The following MIS18A variants were observed in gnomAD, a reference collection of about 807,000 sequenced individuals.
MIS18A encodes MIS18 kinetochore protein A.
A neutral mutation model predicts 25.0 loss-of-function variants in MIS18A; 14 were observed. That is an observed-to-expected ratio of 0.56 (90% CI 0.37 to 0.88). The LOEUF is 0.88. Ranked by LOEUF, MIS18A falls within the 40% of genes least tolerant of loss-of-function variation. The probability of loss-of-function intolerance (pLI) is 0.00; values close to 1 mark genes in which losing one functional copy is unlikely to be tolerated. For missense variants in MIS18A, 292 were observed against 290.8 expected (o/e 1.00, Z -0.03); for synonymous variants, 134 against 118.6 (o/e 1.13, Z -0.84).
the MIS18A span, among the ~76,000 whole-genome samples, chr21:32,198,040 T>C: frequency 1.3e-5 from 2 of 152,344 alleles, no homozygotes; most frequent in South Asian, 4.1e-4. Flanking sequence ...AAACTAAATA[T>C]AAAAACGGAG....
At chr21:32,174,318 G>C in the MIS18A span, among the ~76,000 whole-genome samples, 1 of 152,076 alleles carries the variant, frequency 6.6e-6, no homozygotes, top group African/African-American at 2.4e-5. Context: ...CTGCTTATAA[G>C]ATGCTCTGTA....
At chr21:32,226,950 A>G in the MIS18A span, among the ~76,000 whole-genome samples, 1 of 152,192 alleles carries the variant, frequency 6.6e-6, no homozygotes, top group Admixed American at 6.5e-5. Context: ...GACAATTCAC[A>G]AATAGGAAAA....
chr21:32,249,762 CTAA>C, the MIS18A span, among the ~76,000 whole-genome samples: 2 of 152,118 alleles, frequency 1.3e-5, no homozygotes, highest in South Asian at 4.1e-4. Flanking sequence ...CTCCAGTGAA[CTAA>C]TAGAGCTGAA....
rs1296534324 is a variant in MIS18A, at chr21:32,268,349, T to C, written c.*688A>G. 1.3e-5 allele frequency: 2 copies of C among 152,210 alleles called. No individual in the cohort carries two copies. Among genetic ancestry groups the C allele is most frequent in the East Asian group, 3.9e-4 (2 of 5,190 alleles). The allele number at this position is 152,210 out of a possible 1,614,324, so 9.4% of individuals were successfully genotyped here. ...CCACCCTCAGAGATGGTTACTCCTCTTTGGTAAGTATTCCTCCAGGTTTTT... is the reference window on the plus strand; with the variant it reads ...CCACCCTCAGAGATGGTTACTCCTCCTTGGTAAGTATTCCTCCAGGTTTTT... On this transcript the variant is annotated 3_prime_UTR_variant, in exon 5 of 5. Coordinates refer to ENST00000290130, the MANE Select transcript of MIS18A (RefSeq NM_018944.3).
At chr21:32,169,688 G>T in the MIS18A span, among the ~76,000 whole-genome samples, 1 of 152,036 alleles carries the variant, frequency 6.6e-6, no homozygotes, top group Admixed American at 6.6e-5. Context: ...CACACACACA[G>T]AGCCCCTCAA....
the MIS18A span, among the ~76,000 whole-genome samples, chr21:32,174,217 C>T: frequency 6.6e-6 from 1 of 151,914 alleles, no homozygotes; most frequent in Admixed American, 6.6e-5. Context: ...CCCGCCTCAG[C>T]CTCCCAAAGT....
chr21:32,251,173 C>G, the MIS18A span, among the ~76,000 whole-genome samples: 1 of 152,158 alleles, frequency 6.6e-6, no homozygotes, highest in East Asian at 1.9e-4. Flanking sequence ...TATAATTTAC[C>G]CAGTCTTGGG....
At chr21:32,164,531 C>T in the MIS18A span, among the ~76,000 whole-genome samples, 1 of 152,132 alleles carries the variant, frequency 6.6e-6, no homozygotes, top group South Asian at 2.1e-4. Flanking sequence ...GTTTCTAGAC[C>T]AATATGGCTG....
chr21:32,204,815 A>G, the MIS18A span, among the ~76,000 whole-genome samples: 1 of 147,460 alleles, frequency 6.8e-6, no homozygotes, highest in African/African-American at 2.5e-5. Flanking sequence ...TGGGCTTAGA[A>G]GGCAGAGGCT....
At chr21:32,165,059 C>T in the MIS18A span, among the ~76,000 whole-genome samples, 1 of 152,312 alleles carries the variant, frequency 6.6e-6, no homozygotes, top group African/African-American at 2.4e-5. Context: ...CTTGGCCGGG[C>T]ACGGTGGCTC....
chr21:32,177,353 C>T, the MIS18A span, among the ~76,000 whole-genome samples: 3 of 152,024 alleles, frequency 2.0e-5, no homozygotes, highest in Non-Finnish European at 2.9e-5. Context: ...AAATATGATA[C>T]TGATGATGCA....
the MIS18A span, among the ~76,000 whole-genome samples, chr21:32,258,589 T>C: frequency 1.3e-5 from 2 of 152,122 alleles, no homozygotes; most frequent in Non-Finnish European, 2.9e-5. Context: ...CTGAGAGTGA[T>C]ACTAACCTAC....
chr21:32,200,391 C>A, the MIS18A span, among the ~76,000 whole-genome samples: 3 of 151,924 alleles, frequency 2.0e-5, no homozygotes, highest in Non-Finnish European at 2.9e-5. Context: ...GCTTCTGAAG[C>A]CAGCTCTGTT....
chr21:32,219,794 G>A, the MIS18A span, among the ~76,000 whole-genome samples: 7 of 152,132 alleles, frequency 4.6e-5, no homozygotes, highest in Admixed American at 2.0e-4. Context: ...GTGAGGGAAG[G>A]GGCATCCACC....
the MIS18A span, among the ~76,000 whole-genome samples, chr21:32,173,988 CG>C: frequency 0.61 from 67,634 of 111,338 alleles, 20,465 homozygotes; most frequent in African/African-American, 0.72. Flanking sequence ...TTTTTTGAGA[CG>C]GAGTCTCACT....
rs1419690066 is a variant in MIS18A, at chr21:32,269,742, C to T, written c.586G>A (p.Glu196Lys). Residue 196 changes from glutamate (E) to lysine (K), a missense_variant, in exon 4 of 5, where the codon GAA (glutamate) becomes AAA (lysine). Glu to Lys is a moderately conservative substitution (Grantham distance 56). Coordinates refer to ENST00000290130, the MANE Select transcript of MIS18A (RefSeq NM_018944.3). ...VSEDKELFNL[E>K]SRVEIEKSLT... ...GACTTTTCTATTTCAACTCTGCTTT[C>T]AAGATTAAAAAGCTCTTTATCTTCT... is the stretch of plus-strand genomic sequence containing the variant. 6 of 1,610,442 alleles carry T rather than the reference C, an allele frequency of 3.7e-6. No homozygotes were observed. In the African/African-American group the frequency reaches 6.7e-5, roughly 18 times the overall value.
At chr21:32,248,720 T>C in the MIS18A span, among the ~76,000 whole-genome samples, 2 of 152,154 alleles carry the variant, frequency 1.3e-5, no homozygotes, top group Non-Finnish European at 2.9e-5. Context: ...AATTCACAAA[T>C]TCCCTCTAAC....
At chr21:32,260,107 A>ATTTT in the MIS18A span, 5 of 64,574 alleles carry the variant, frequency 7.7e-5, no homozygotes, top group African/African-American at 2.7e-4. Flanking sequence ...AGATTTTTCC[A>ATTTT]TTTACCATCA....
At position 32,274,938 on chromosome 21, in the gene MIS18A, G is replaced by C. The variant is rs186385319; in HGVS notation, c.335-42C>G. On this transcript the variant is annotated intron_variant, in intron 1 of 4. Coordinates refer to ENST00000290130, the MANE Select transcript of MIS18A (RefSeq NM_018944.3). ...TAACAATAATTTATTAATGTAGTTC[G>C]TTATAACATACCTGCAGACAGAGAG... 180 of 1,492,576 alleles carry C rather than the reference G, an allele frequency of 1.2e-4. No individual in the cohort carries two copies. In the African/African-American group the frequency reaches 2.3e-3, roughly 19 times the overall value. 92.5% of individuals were successfully genotyped at this position (1,492,576 alleles called of 1,614,324 possible). A position where few individuals can be genotyped will look rare whatever the true frequency, so the allele number is the denominator to read the frequency against.
Sources: gnomAD v4.1 joint callset for allele counts (sites outside exome capture counted in the v4.1 genomes callset) on GRCh38, gnomAD v4.1.1 for gene constraint, MANE v1.5 for transcripts, NCBI Gene and HGNC (gene_info 2026-07-23, HGNC 2026-07-21) for gene names.